SMG9: variants seen among roughly 807,000 people sequenced by gnomAD.
SMG9 encodes nonsense-mediated mRNA decay factor SMG9.
A neutral mutation model predicts 64.0 loss-of-function variants in SMG9; 55 were observed. That is an observed-to-expected ratio of 0.86 (90% CI 0.69 to 1.08). SMG9 has a LOEUF of 1.08. Ranked by LOEUF, SMG9 falls within the 50% of genes least tolerant of loss-of-function variation. SMG9 has a pLI of 0.00. For missense variants in SMG9, 554 were observed against 681.3 expected (o/e 0.81, Z 2.08); for synonymous variants, 244 against 254.8 (o/e 0.96, Z 0.41).
chr19:43,737,232 C>T (rs2146369691), intron 9 of SMG9, among the ~76,000 whole-genome samples: 1 of 152,202 alleles, frequency 6.6e-6, no homozygotes, highest in Middle Eastern at 3.4e-3. Context: ...GAGATTGTAC[C>T]ACTGCACTCC....
chr19:43,749,912 G>T (rs1969140706), intron 2 of SMG9, among the ~76,000 whole-genome samples: 2 of 152,118 alleles, frequency 1.3e-5, no homozygotes. Context: ...TCACCTCTGG[G>T]GCTCATTTTC....
rs769472662 is a variant in SMG9 at position 43,733,361 on chromosome 19, C to G, written c.1302G>C (p.Met434Ile). Residue 434 changes from methionine (M) to isoleucine (I), a missense_variant, in exon 12 of 14, where the codon ATG becomes ATC. By Grantham distance (10) the Met-to-Ile change is conservative (BLOSUM62 1). Transcript: ENST00000270066. ...SEVNLFLVPF[M>I]DSEAESENPP... ...GGTTTTCACTCTCTGCTTCACTGTC[C>G]ATGAAGGGTACCAGGAATAAGTTGA... 12 of 1,614,108 alleles carry G rather than the reference C, an allele frequency of 7.4e-6. No individual in the cohort carries two copies. The highest frequency in any genetic ancestry group is 1.0e-5 in the Non-Finnish European group (12 of 1,180,026).
At chr19:43,739,833 A>G (rs1442326214) in intron 7 of SMG9, 1 of 447,850 alleles carries the variant, frequency 2.2e-6, no homozygotes, top group Non-Finnish European at 4.1e-6. Context: ...GAACTAACAG[A>G]CAGGATCAGA....
At position 43,750,707 on chromosome 19, in the gene SMG9, T is replaced by G; in HGVS notation, c.35A>C (p.Tyr12Ser). 1 of 1,613,860 alleles carries G rather than the reference T, an allele frequency of 6.2e-7. No individual in the cohort carries two copies. ...SESGHSQPGL[Y>S]GIERRRRWKE... ...CCACCGTCGCCGCCGCTCTATCCCA[T>G]AGAGTCCAGGCTGACTGTGTCCAGA... Residue 12 changes from tyrosine to serine, a missense_variant, in exon 2 of 14, where the codon TAT (tyrosine) becomes TCT (serine). Transcript: ENST00000270066.
intron 9 of SMG9, chr19:43,734,787 C>T (rs1011834268): frequency 1.8e-5 from 5 of 272,986 alleles, no homozygotes; most frequent in Admixed American, 1.5e-4. Context: ...AAGCACGTAG[C>T]GTTCCCACAC....
chr19:43,740,163 T>C lies in SMG9; in HGVS notation c.757A>G (p.Thr253Ala), dbSNP rs1172496357. 3.1e-6 allele frequency: 5 copies of C among 1,614,098 alleles called. No homozygotes were observed. In the South Asian group the frequency reaches 5.5e-5, roughly 18 times the overall value. Residue 253 changes from threonine (T) to alanine (A), a missense_variant, in exon 7 of 14, where the codon ACC becomes GCC. Physicochemically the swap from Thr to Ala is moderately conservative, Grantham distance 58 (BLOSUM62 0). Coordinates refer to ENST00000270066, the MANE Select transcript of SMG9 (RefSeq NM_019108.4). ...AEMKERGGNQ[T>A]SGIDFFITQE... The stretch of plus-strand genomic sequence containing the variant: ...GTAATAAAGAAGTCGATGCCACTGG[T>C]CTGGTTGCCCCCTCGTTCCTTCATT...
At position 43,747,716 on chromosome 19, in the gene SMG9, T is replaced by TC. The variant is rs1480538078; in HGVS notation, c.406dup (p.Glu136GlyfsTer51). On this transcript the variant is annotated frameshift_variant, in exon 4 of 14. Transcript: ENST00000270066. LOFTEE classifies it high-confidence loss of function. ...CTGTGTGGGTCTCTGCCCCTCCTTC[T>TC]CCCCCTTGGGTGGCGCAGGGGCTGC... is the stretch of plus-strand genomic sequence containing the variant. The TC allele has an allele frequency of 2.5e-6, 4 of 1,594,842 alleles. No homozygotes were observed. The Admixed American group carries it at 6.7e-5, about 27-fold the overall frequency.
At chr19:43,732,700 T>G (rs949548847) in intron 13 of SMG9, 158 bp downstream of exon 13, 60 of 821,996 alleles carry the variant, frequency 7.3e-5, no homozygotes, top group Non-Finnish European at 1.1e-4. Context: ...ATGGGTGAGA[T>G]GCTTACAAGA....
intron 5 of SMG9, 30 bp downstream of exon 5, chr19:43,747,412 A>G: frequency 6.2e-7 from 1 of 1,603,128 alleles, no homozygotes; most frequent in Non-Finnish European, 8.5e-7. Context: ...GGATGTGCGG[A>G]AGCTCAGGCA....
rs530588726 is a variant in SMG9 at position 43,739,192 on chromosome 19, G to A, written c.813+915C>T. 7.9e-5 allele frequency among the ~76,000 whole-genome samples: 12 copies of A among 152,362 alleles called. No homozygotes were observed. In the South Asian group the frequency reaches 2.3e-3, roughly 29 times the overall value. On this transcript the variant is annotated intron_variant, in intron 7 of 13. Transcript: ENST00000270066. ...AGGCCACACCCCAGTGGAGTCTTGA[G>A]GAAGAAGAAGGCGTTAGCCAGGCAA... is the stretch of plus-strand genomic sequence containing the variant.
At chr19:43,748,807 T>G in intron 2 of SMG9, 1 of 520,178 alleles carries the variant, frequency 1.9e-6, no homozygotes, top group Non-Finnish European at 3.8e-6. Context: ...TGAGGACACT[T>G]ACTTAAACCC....
Position 43,738,109 on chromosome 19 carries a change from T to G in SMG9, c.909+13A>C. 1 of 1,612,862 alleles carries G rather than the reference T, an allele frequency of 6.2e-7. No homozygotes were observed. Among genetic ancestry groups the G allele is most frequent in the South Asian group, 1.1e-5 (1 of 91,042 alleles). On this transcript the variant is annotated intron_variant, in intron 8 of 13. Coordinates refer to ENST00000270066, the MANE Select transcript of SMG9 (RefSeq NM_019108.4). ...GTAAAACCTCAGTCCTGGGCCTGGC[T>G]TGGCTCCCTCACCTGCATTTCAACG...
intron 5 of SMG9, among the ~76,000 whole-genome samples, chr19:43,745,844 A>T (rs1252538044): frequency 1.3e-5 from 2 of 152,196 alleles, no homozygotes; most frequent in Admixed American, 6.5e-5. Context: ...TCTACTAAAA[A>T]TACAAAATTA....
chr19:43,736,966 C>T (rs760279015), intron 9 of SMG9, among the ~76,000 whole-genome samples: 8 of 152,096 alleles, frequency 5.3e-5, no homozygotes, highest in African/African-American at 1.9e-4. Context: ...AGCCATGAGG[C>T]CCTGTGGCTT....
chr19:43,747,770 G>T lies in SMG9; in HGVS notation c.353C>A (p.Thr118Asn). ...KGPVAVTGAS[T>N]PEGTAPPPPA... ...GGGTGGTGGGGCGGTGCCCTCAGGG[G>T]TAGAGGCACCTGTCACGGCCACAGG... The change falls in exon 4 of 14, where the codon ACC becomes AAC. Residue 118 changes from threonine to asparagine, a missense_variant. By Grantham distance (65) the Thr-to-Asn change is moderately conservative. Coordinates refer to ENST00000270066, the MANE Select transcript of SMG9 (RefSeq NM_019108.4). 6.2e-7 allele frequency: 1 copy of T among 1,608,656 alleles called. No individual in the cohort carries two copies. Among genetic ancestry groups the T allele is most frequent in the South Asian group, 1.1e-5 (1 of 90,442 alleles).
chr19:43,748,282 C>CT (rs1568381573), intron 2 of SMG9, among the ~76,000 whole-genome samples: 1 of 152,222 alleles, frequency 6.6e-6, no homozygotes, highest in East Asian at 1.9e-4. Flanking sequence ...GGCTGCAGAA[C>CT]CAAATCCTCA....
At chr19:43,751,482 C>T (rs960972420) in intron 1 of SMG9, among the ~76,000 whole-genome samples, 4 of 152,258 alleles carry the variant, frequency 2.6e-5, no homozygotes, top group African/African-American at 9.6e-5. Context: ...GTAGCAACTG[C>T]AAGCTGGTTC....
chr19:43,738,302 A>T (rs898818474), intron 7 of SMG9, 85 bp from the exon 8 acceptor site: 3 of 1,242,124 alleles, frequency 2.4e-6, no homozygotes, highest in Non-Finnish European at 3.5e-6. Context: ...CTCAGGACAA[A>T]ACAAGGTCAG....
At chr19:43,751,596 G>T (rs1969193832) in intron 1 of SMG9, among the ~76,000 whole-genome samples, 1 of 152,232 alleles carries the variant, frequency 6.6e-6, no homozygotes. Context: ...GCAGTTAGGT[G>T]TGGCCATGTG....
Sources: gnomAD v4.1 joint callset for allele counts (sites outside exome capture counted in the v4.1 genomes callset) on GRCh38, gnomAD v4.1.1 for gene constraint, MANE v1.5 for transcripts, NCBI Gene and HGNC (gene_info 2026-07-23, HGNC 2026-07-21) for gene names.